Variants in TRRAP observed in about 807,000 individuals in gnomAD.
TRRAP encodes transformation/transcription domain-associated protein.
In TRRAP, 41 loss-of-function variants were observed where a neutral mutation model predicts 438.8. That is an observed-to-expected ratio of 0.09 (90% CI 0.07 to 0.12). The LOEUF is 0.12. TRRAP is among the 10% of genes least tolerant of loss of function. TRRAP has a pLI of 1.00. For missense variants in TRRAP, 3,122 were observed against 5,055.1 expected (o/e 0.62, Z 11.60); for synonymous variants, 1,994 against 1,962.9 (o/e 1.02, Z -0.42).
chr7:98,990,651 C>T (rs749026001), intron 64 of TRRAP, 32 bp downstream of exon 64: 1 of 1,584,404 alleles, frequency 6.3e-7, no homozygotes, highest in Non-Finnish European at 8.6e-7. Context: ...TGTTCACGTG[C>T]ACAAAACATT....
chr7:98,893,651 C>A, intron 5 of TRRAP, 147 bp from the exon 6 acceptor site: 3 of 723,364 alleles, frequency 4.1e-6, no homozygotes, highest in Non-Finnish European at 7.0e-6. Flanking sequence ...AGCTTTCTGT[C>A]TGGGACAACT....
Position 98,956,109 on chromosome 7 carries a change from C to G in TRRAP, c.5938-37C>G, listed in dbSNP as rs1554419663. On this transcript the variant is annotated intron_variant, in intron 41 of 72. Coordinates refer to ENST00000456197, the MANE Select transcript of TRRAP (RefSeq NM_001375524.1). The surrounding 1 kb of genome is among the most constrained non-coding windows in gnomAD (Gnocchi z 4.5). ...CGTGCATGCACTGTGGGACCAAGCT[C>G]CCATGTTCCGGCGTGATGCTGGCCC... 1 of 1,473,348 alleles carries G rather than the reference C, an allele frequency of 6.8e-7. No homozygotes were observed. 91.3% of individuals were successfully genotyped at this position (1,473,348 alleles called of 1,614,324 possible).
Position 98,978,219 on chromosome 7 carries a change from A to G in TRRAP, c.8394A>G (p.Glu2798=), listed in dbSNP as rs1166300661. 2 of 1,613,168 alleles carry G rather than the reference A, an allele frequency of 1.2e-6. No homozygotes were observed. The highest frequency in any genetic ancestry group is 1.3e-5 in the African/African-American group (1 of 75,016). ...ACATTAACTTTTTTTAGGCACAAGAATCCTATGAAAAGGCAATGGATAAAG... is the reference window on the plus strand; with the variant it reads ...ACATTAACTTTTTTTAGGCACAAGAGTCCTATGAAAAGGCAATGGATAAAG... ...EQHGFFEQAQ[E]SYEKAMDKAK... is the part of the protein sequence containing the mutation. The change falls in exon 57 of 73, where the codon GAA becomes GAG. Residue 2798 remains glutamate (E), a synonymous_variant. Transcript: ENST00000456197.
Position 98,912,215 on chromosome 7 carries a change from T to TA in TRRAP, c.2199+5dup, listed in dbSNP as rs782804120. The TA allele has an allele frequency of 6.2e-7, 1 of 1,613,182 alleles. No homozygotes were observed. The highest frequency in any genetic ancestry group is 8.5e-7 in the Non-Finnish European group (1 of 1,179,566). On this transcript the variant is annotated splice_region_variant and intron_variant, in intron 18 of 72. Coordinates refer to ENST00000456197, the MANE Select transcript of TRRAP (RefSeq NM_001375524.1). ...GCTGAAAATGAACAAATGCTGAAGG[T>TA]AAAGTCCATTTAATCTAAGTAGTGC...
At chr7:98,935,215 G>A (rs1803243887) in intron 27 of TRRAP, among the ~76,000 whole-genome samples, 1 of 152,144 alleles carries the variant, frequency 6.6e-6, no homozygotes, top group Non-Finnish European at 1.5e-5. Context: ...AGGCCCTGGG[G>A]AGGCTGATCT....
chr7:98,891,802 T>C (rs1330876670), intron 4 of TRRAP, among the ~76,000 whole-genome samples: 1 of 152,070 alleles, frequency 6.6e-6, no homozygotes, highest in Non-Finnish European at 1.5e-5. Context: ...CCTCCCAAAG[T>C]GCTGGGATTA....
At chr7:98,935,265 G>A (rs1554413956) in intron 27 of TRRAP, among the ~76,000 whole-genome samples, 1 of 152,132 alleles carries the variant, frequency 6.6e-6, no homozygotes, top group Non-Finnish European at 1.5e-5. Context: ...GGGATTTGCA[G>A]TTAGATAAAG....
intron 28 of TRRAP, among the ~76,000 whole-genome samples, 192 bp from the exon 29 acceptor site, chr7:98,936,964 C>A (rs1790584151): frequency 6.6e-6 from 1 of 152,100 alleles, no homozygotes; most frequent in African/African-American, 2.4e-5. Flanking sequence ...GGCAGTGGCT[C>A]ACAGCTGTAA....
chr7:98,975,946 T>G (rs1299038935), intron 53 of TRRAP: 3 of 608,548 alleles, frequency 4.9e-6, no homozygotes, highest in Non-Finnish European at 5.4e-6. Context: ...TGCCTGGGCT[T>G]GGCTGCTAAG....
chr7:98,886,213 C>T (rs1795687213), intron 3 of TRRAP, among the ~76,000 whole-genome samples: 2 of 152,142 alleles, frequency 1.3e-5, no homozygotes, highest in Non-Finnish European at 2.9e-5. Context: ...TCACTTGAAC[C>T]TGGGAGATAG....
rs1364988721 is a variant in TRRAP, at chr7:99,011,303, C to G, written c.11143-38C>G. The G allele has an allele frequency of 8.1e-6, 13 of 1,612,766 alleles. No homozygotes were observed. The highest frequency in any genetic ancestry group is 1.1e-5 in the Non-Finnish European group (13 of 1,178,732). ...ATCCTCTCCTCGTGACATCGCCTTT[C>G]TGCTGAAGTTCCTAAAGTGTCTCCT... On this transcript the variant is annotated intron_variant, in intron 71 of 72. Transcript: ENST00000456197. This position sits in a 1 kb window ranked among gnomAD's most constrained non-coding sequence, Gnocchi z 7.1.
chr7:98,921,974 G>C (rs782269396), intron 21 of TRRAP, 21 bp downstream of exon 21: 21 of 1,614,096 alleles, frequency 1.3e-5, no homozygotes, highest in Non-Finnish European at 1.7e-5. Flanking sequence ...TGACAATGTC[G>C]TTTCGTTTTA....
intron 28 of TRRAP, 97 bp from the exon 29 acceptor site, chr7:98,937,059 C>T: frequency 7.1e-7 from 1 of 1,400,244 alleles, no homozygotes; most frequent in Non-Finnish European, 9.4e-7. Context: ...AAGACACCTT[C>T]TCTACCAAAT....
At chr7:98,997,424 A>G (rs1413828112) in intron 67 of TRRAP, among the ~76,000 whole-genome samples, 1 of 151,300 alleles carries the variant, frequency 6.6e-6, no homozygotes, top group African/African-American at 2.4e-5. Flanking sequence ...AAAAGGCAAC[A>G]AAATCCAGAA....
chr7:98,992,083 T>C, intron 64 of TRRAP, 54 bp from the exon 65 acceptor site: 1 of 1,579,542 alleles, frequency 6.3e-7, no homozygotes, highest in Admixed American at 1.7e-5. Flanking sequence ...AAATTATCTT[T>C]ATCCAGAGCT....
chr7:98,910,645 A>C (rs1488988022), intron 16 of TRRAP, 38 bp downstream of exon 16: 3 of 1,553,342 alleles, frequency 1.9e-6, no homozygotes, highest in Non-Finnish European at 2.6e-6. Context: ...TCGCATATGG[A>C]AAGTACCTCT....
chr7:98,900,662 T>C lies in TRRAP; in HGVS notation c.839T>C (p.Phe280Ser). Residue 280 changes from phenylalanine to serine, a missense_variant, in exon 11 of 73, where the codon TTC becomes TCC. This residue lies in a region of TRRAP where 343 missense variants were observed against 564.0 expected (regional missense o/e 0.61). Coordinates refer to ENST00000456197, the MANE Select transcript of TRRAP (RefSeq NM_001375524.1). ...TACAACAAGGAGTTGTATGCTGACT[T>C]CATTGCTGCTCAGATTAAAACATTG... ...KLYNKELYADFIAAQIKTLSF... is the reference protein window; with the variant it reads ...KLYNKELYADSIAAQIKTLSF... 6.2e-7 allele frequency: 1 copy of C among 1,613,636 alleles called. No individual in the cohort carries two copies. Among genetic ancestry groups the C allele is most frequent in the South Asian group, 1.1e-5 (1 of 90,910 alleles).
At chr7:98,914,452 A>G (rs1789424594) in intron 18 of TRRAP, among the ~76,000 whole-genome samples, 3 of 152,188 alleles carry the variant, frequency 2.0e-5, no homozygotes, top group Non-Finnish European at 2.9e-5. Flanking sequence ...GTGTCCTCAT[A>G]TAATTCATTA....
At chr7:98,944,459 T>C (rs1790949653) in intron 31 of TRRAP, among the ~76,000 whole-genome samples, 2 of 152,274 alleles carry the variant, frequency 1.3e-5, no homozygotes, top group South Asian at 4.1e-4. Flanking sequence ...GTCCTTGAGC[T>C]CCTCCTGGAA....
Sources: gnomAD v4.1 joint callset for allele counts (sites outside exome capture counted in the v4.1 genomes callset) on GRCh38, gnomAD v4.1.1 for gene constraint, gnomAD v4.1.1 regional missense constraint, Gnocchi (gnomAD v3.1) non-coding constraint, MANE v1.5 for transcripts, NCBI Gene and HGNC (gene_info 2026-07-23, HGNC 2026-07-21) for gene names.